GUCA1C: variants seen among roughly 807,000 people sequenced by gnomAD.
GUCA1C encodes guanylate cyclase activator 1C.
A neutral mutation model predicts 16.2 loss-of-function variants in GUCA1C; 15 were observed. The ratio of observed to expected loss-of-function variants is 0.93; its 90% CI spans 0.62 to 1.43. The LOEUF (loss-of-function observed/expected upper bound fraction) is 1.43, where lower values mean the gene tolerates loss of function less well. GUCA1C is among the 40% of genes most tolerant of loss of function. The pLI is 0.00. For synonymous variants in GUCA1C, 78 were observed against 85.4 expected (o/e 0.91, Z 0.48); for missense variants, 275 against 244.8 (o/e 1.12, Z -0.82).
At chr3:108,923,153 G>A (rs1022243064) in intron 1 of GUCA1C, among the ~76,000 whole-genome samples, 28 of 152,026 alleles carry the variant, frequency 1.8e-4, no homozygotes, top group African/African-American at 6.3e-4. Flanking sequence ...TATTTCTTTC[G>A]CTGCAGAAGC....
chr3:108,933,575 A>G (rs1177539428), intron 1 of GUCA1C, among the ~76,000 whole-genome samples: 1 of 152,220 alleles, frequency 6.6e-6, no homozygotes, highest in African/African-American at 2.4e-5. Flanking sequence ...CCTAAAACCT[A>G]TGGAAGGTCA....
chr3:108,915,197 C>T (rs568711622), intron 3 of GUCA1C, among the ~76,000 whole-genome samples: 3 of 152,316 alleles, frequency 2.0e-5, no homozygotes, highest in Admixed American at 2.0e-4. Flanking sequence ...AACATGGGAA[C>T]ATGTGTCTCT....
intron 1 of GUCA1C, among the ~76,000 whole-genome samples, chr3:108,943,765 C>T (rs558271962): frequency 1.6e-4 from 25 of 152,204 alleles, no homozygotes; most frequent in African/African-American, 5.8e-4. Context: ...AGTCTGTTAT[C>T]CCTCACGCCC....
At chr3:108,908,328 C>G (rs940566637) in intron 3 of GUCA1C, 119 bp from the exon 4 acceptor site, 2 of 396,702 alleles carry the variant, frequency 5.0e-6, no homozygotes, top group South Asian at 9.9e-5. Flanking sequence ...CAACCAGACT[C>G]TAAGATCTTT....
At chr3:108,934,507 A>G (rs796909616) in intron 1 of GUCA1C, among the ~76,000 whole-genome samples, 8 of 152,302 alleles carry the variant, frequency 5.3e-5, no homozygotes, top group African/African-American at 1.9e-4. Context: ...CAGCAATCCC[A>G]TTACTGGGTA....
chr3:108,938,250 ACT>A (rs5851625), intron 1 of GUCA1C, among the ~76,000 whole-genome samples: 54,984 of 151,844 alleles, frequency 0.36, 10,663 homozygotes, highest in Non-Finnish European at 0.43. Flanking sequence ...TCATAGCATC[ACT>A]ATCTGTGAAA....
intron 1 of GUCA1C, among the ~76,000 whole-genome samples, chr3:108,932,870 C>G (rs531201171): frequency 7.2e-6 from 1 of 139,602 alleles, no homozygotes; most frequent in Admixed American, 8.0e-5. Context: ...TGCGGTGAGC[C>G]GAGATCGCGC....
intron 2 of GUCA1C, among the ~76,000 whole-genome samples, chr3:108,918,607 T>C (rs986442264): frequency 1.3e-5 from 2 of 152,182 alleles, no homozygotes; most frequent in Non-Finnish European, 2.9e-5. Context: ...CTTAAAAACC[T>C]TTCTCTTGAC....
At chr3:108,940,292 C>A (rs1336095037) in intron 1 of GUCA1C, among the ~76,000 whole-genome samples, 1 of 152,100 alleles carries the variant, frequency 6.6e-6, no homozygotes, top group African/African-American at 2.4e-5. Flanking sequence ...CCTTGTAGGC[C>A]AGAAAACCCA....
At chr3:108,948,093 T>C (rs1050452820) in intron 1 of GUCA1C, among the ~76,000 whole-genome samples, 2 of 152,186 alleles carry the variant, frequency 1.3e-5, no homozygotes, top group African/African-American at 4.8e-5. Flanking sequence ...CCTGATTTCC[T>C]ATGTTGGATT....
intron 3 of GUCA1C, among the ~76,000 whole-genome samples, chr3:108,909,631 T>C (rs141852104): frequency 6.6e-6 from 1 of 152,338 alleles, no homozygotes; most frequent in African/African-American, 2.4e-5. Context: ...CTACTGGCTA[T>C]AGAAGAGGCA....
intron 1 of GUCA1C, among the ~76,000 whole-genome samples, chr3:108,938,612 T>A (rs1025962739): frequency 3.9e-5 from 6 of 152,222 alleles, no homozygotes; most frequent in Non-Finnish European, 8.8e-5. Context: ...CCTAGCCTAT[T>A]TTCACCCACA....
At position 108,907,959 on chromosome 3, in the gene GUCA1C, G is replaced by T; in HGVS notation, c.*63C>A. On this transcript the variant is annotated 3_prime_UTR_variant, in exon 4 of 4. Coordinates refer to ENST00000261047, the MANE Select transcript of GUCA1C (RefSeq NM_005459.4). ...AAATCAACAGCATGTACATGGGGAA[G>T]ATTCTATTTCTTCTCTACTGAAATG... The T allele has an allele frequency of 1.7e-6, 2 of 1,205,478 alleles. No homozygotes were observed. The highest frequency in any genetic ancestry group is 1.4e-5 in the South Asian group (1 of 70,278). The allele number at this position is 1,205,478 out of a possible 1,614,324, so 74.7% of individuals were successfully genotyped here. A position where few individuals can be genotyped will look rare whatever the true frequency, so the allele number is the denominator to read the frequency against.
chr3:108,918,948 T>C lies in GUCA1C; in HGVS notation c.354+1488A>G, dbSNP rs150043005. Reference sequence around the variant, plus strand: ...TTCTGTGATATAAATCACAGGACTTTTATCCTTAATAATTGTTTTTCCTGA... The same window carrying C: ...TTCTGTGATATAAATCACAGGACTTCTATCCTTAATAATTGTTTTTCCTGA... On this transcript the variant is annotated intron_variant, in intron 2 of 3. Coordinates refer to ENST00000261047, the MANE Select transcript of GUCA1C (RefSeq NM_005459.4). Among the ~76,000 whole-genome samples, 84 of 152,284 alleles carry C rather than the reference T, an allele frequency of 5.5e-4. 2 individuals carry two copies. The East Asian group carries it at 0.014, about 26-fold the overall frequency.
chr3:108,954,113 G>A (rs750380680), upstream of GUCA1C, among the ~76,000 whole-genome samples: 6 of 152,120 alleles, frequency 3.9e-5, no homozygotes, highest in Non-Finnish European at 7.4e-5. Flanking sequence ...TCTAATGGCA[G>A]GAACTTTGAG....
At chr3:108,920,200 G>T (rs1438953799) in intron 2 of GUCA1C, among the ~76,000 whole-genome samples, 7 of 152,044 alleles carry the variant, frequency 4.6e-5, no homozygotes, top group African/African-American at 1.5e-4. Flanking sequence ...TTTCTTCATC[G>T]CAATGCTCTG....
At chr3:108,915,146 C>T (rs920440497) in intron 3 of GUCA1C, among the ~76,000 whole-genome samples, 5 of 152,186 alleles carry the variant, frequency 3.3e-5, no homozygotes, top group African/African-American at 4.8e-5. Context: ...CATCCTGCCA[C>T]GCTGAGCTGC....
intron 1 of GUCA1C, among the ~76,000 whole-genome samples, chr3:108,944,719 G>A (rs981277723): frequency 2.6e-5 from 4 of 152,132 alleles, no homozygotes; most frequent in African/African-American, 9.7e-5. Flanking sequence ...GTTAATAGGG[G>A]TTCAGCACAA....
intron 1 of GUCA1C, among the ~76,000 whole-genome samples, chr3:108,944,979 G>A (rs766187925): frequency 2.6e-5 from 4 of 152,228 alleles, no homozygotes; most frequent in African/African-American, 7.2e-5. Flanking sequence ...GAAGTGCAGA[G>A]CACAGGATGA....
Sources: gnomAD v4.1 joint callset for allele counts (sites outside exome capture counted in the v4.1 genomes callset) on GRCh38, gnomAD v4.1.1 for gene constraint, MANE v1.5 for transcripts, NCBI Gene and HGNC (gene_info 2026-07-23, HGNC 2026-07-21) for gene names.